The following QKI variants were observed in gnomAD, a reference collection of about 807,000 sequenced individuals.
The protein encoded by QKI is QKI, KH domain containing RNA binding.
In QKI, 10 loss-of-function variants were observed where a neutral mutation model predicts 39.0. That is an observed-to-expected ratio of 0.26 (90% CI 0.16 to 0.43). The LOEUF (loss-of-function observed/expected upper bound fraction) is 0.43. QKI is among the 20% of genes least tolerant of loss of function. The probability of loss-of-function intolerance (pLI) is 1.00; values close to 1 mark genes in which losing one functional copy is unlikely to be tolerated. For missense variants in QKI, 218 were observed against 428.0 expected (o/e 0.51, Z 4.33); for synonymous variants, 204 against 155.4 (o/e 1.31, Z -2.33).
At chr6:163,567,741 C>T (rs1192445569) in intron 7 of QKI, 1 of 984,470 alleles carries the variant, frequency 1.0e-6, no homozygotes, top group Non-Finnish European at 1.2e-6. Context: ...GGATTTTTTA[C>T]AAGTTTCTAT....
intron 3 of QKI, among the ~76,000 whole-genome samples, chr6:163,502,474 G>A (rs1778833281): frequency 1.3e-5 from 2 of 151,980 alleles, no homozygotes; most frequent in Admixed American, 6.6e-5. Flanking sequence ...AGCACTTCTC[G>A]ATGATTTAAA....
At chr6:163,566,949 G>A (rs2128251792) in intron 7 of QKI, 154 bp downstream of exon 7, 1 of 1,401,388 alleles carries the variant, frequency 7.1e-7, no homozygotes, top group Non-Finnish European at 9.2e-7. Context: ...AGATTTAAGG[G>A]TTGGGTTTTT....
intron 3 of QKI, among the ~76,000 whole-genome samples, chr6:163,488,822 TTAGAA>T (rs1777852145): frequency 6.6e-6 from 1 of 152,186 alleles, no homozygotes; most frequent in Admixed American, 6.5e-5. Context: ...GTTTTCTACC[TTAGAA>T]TATTTACATG....
intron 1 of QKI, among the ~76,000 whole-genome samples, chr6:163,430,824 G>A (rs908216374): frequency 6.6e-6 from 1 of 152,146 alleles, no homozygotes; most frequent in Non-Finnish European, 1.5e-5. Context: ...TGAAAAGTGT[G>A]TTCCATGGAA....
intron 4 of QKI, among the ~76,000 whole-genome samples, chr6:163,539,482 C>T (rs961421001): frequency 1.3e-5 from 2 of 152,088 alleles, no homozygotes; most frequent in Non-Finnish European, 2.9e-5. Context: ...GCTTCACCTG[C>T]AGTGATCGTG....
chr6:163,467,644 G>A (rs1791867127), intron 2 of QKI, among the ~76,000 whole-genome samples: 1 of 152,094 alleles, frequency 6.6e-6, no homozygotes, highest in Admixed American at 6.5e-5. Flanking sequence ...TTCCTGTAAT[G>A]TTAATTATAT....
chr6:163,557,919 A>G (rs1300089319), intron 4 of QKI, among the ~76,000 whole-genome samples: 1 of 152,208 alleles, frequency 6.6e-6, no homozygotes, highest in Admixed American at 6.5e-5. Context: ...ATTCTTGAAT[A>G]TAGGGCAAAT....
intron 2 of QKI, among the ~76,000 whole-genome samples, chr6:163,469,315 G>A (rs1049609088): frequency 6.6e-6 from 1 of 151,988 alleles, no homozygotes; most frequent in South Asian, 2.1e-4. Flanking sequence ...CAAAGGGTAC[G>A]GGTCAAAACC....
intron 3 of QKI, among the ~76,000 whole-genome samples, chr6:163,500,067 A>G (rs1342759029): frequency 6.6e-6 from 1 of 152,108 alleles, no homozygotes; most frequent in Non-Finnish European, 1.5e-5. Flanking sequence ...GTTAGAGCAA[A>G]AGCTCTCAGT....
intron 3 of QKI, among the ~76,000 whole-genome samples, chr6:163,525,141 C>T (rs1780410901): frequency 6.6e-6 from 1 of 152,102 alleles, no homozygotes; most frequent in South Asian, 2.1e-4. Flanking sequence ...AAATAAAATT[C>T]CCTCTGAAGA....
chr6:163,545,378 G>A (rs778959384), intron 4 of QKI, among the ~76,000 whole-genome samples: 3 of 151,988 alleles, frequency 2.0e-5, no homozygotes, highest in Non-Finnish European at 2.9e-5. Flanking sequence ...CATTTGATTC[G>A]GGTGACATTC....
chr6:163,505,254 G>A (rs1301358411), intron 3 of QKI, among the ~76,000 whole-genome samples: 2 of 152,176 alleles, frequency 1.3e-5, no homozygotes, highest in African/African-American at 2.4e-5. Context: ...CCTCTGCTAC[G>A]GCAGTGCAGA....
chr6:163,427,072 ATAGGAATGG>A (rs1174281882), intron 1 of QKI, among the ~76,000 whole-genome samples: 1 of 152,052 alleles, frequency 6.6e-6, no homozygotes, highest in African/African-American at 2.4e-5. Flanking sequence ...CATTTCTCCA[ATAGGAATGG>A]TATGAAATAC....
chr6:163,460,118 T>TA (rs1791235504), intron 2 of QKI, among the ~76,000 whole-genome samples: 1 of 152,248 alleles, frequency 6.6e-6, no homozygotes, highest in African/African-American at 2.4e-5. Context: ...CTGTTGATGA[T>TA]ACTAGTCGTC....
intron 5 of QKI, among the ~76,000 whole-genome samples, chr6:163,562,761 T>G (rs1783113973): frequency 6.6e-6 from 1 of 152,230 alleles, no homozygotes; most frequent in South Asian, 2.1e-4. Context: ...CATAGAATTT[T>G]TAAGTTCTAG....
intron 3 of QKI, among the ~76,000 whole-genome samples, chr6:163,483,480 G>A (rs1737612): frequency 0.7 from 106,608 of 152,092 alleles, 37,770 homozygotes; most frequent in East Asian, 1. Context: ...CTAAGTTTAT[G>A]TAATATTATA....
At chr6:163,485,818 A>AT (rs1777632739) in intron 3 of QKI, among the ~76,000 whole-genome samples, 1 of 152,246 alleles carries the variant, frequency 6.6e-6, no homozygotes, top group African/African-American at 2.4e-5. Context: ...AGGGCTGCTA[A>AT]TAACAGTGGC....
At chr6:163,555,633 G>GA (rs1782543972) in intron 4 of QKI, among the ~76,000 whole-genome samples, 1 of 152,070 alleles carries the variant, frequency 6.6e-6, no homozygotes, top group Non-Finnish European at 1.5e-5. Context: ...GTCTACTCGG[G>GA]GATTGTGGAC....
At chr6:163,535,172 G>C (rs1781116543) in intron 4 of QKI, 47 bp downstream of exon 4, 3 of 1,503,162 alleles carry the variant, frequency 2.0e-6, no homozygotes, top group Middle Eastern at 1.8e-4. Flanking sequence ...GTCCTTTTTT[G>C]TCAGTTTATT....
Sources: allele counts gnomAD v4.1 joint callset (sites outside exome capture counted in the v4.1 genomes callset), GRCh38; gene constraint gnomAD v4.1.1; transcripts MANE v1.5; gene names NCBI Gene and HGNC (gene_info 2026-07-23, HGNC 2026-07-21).